The following TRRAP variants were observed in gnomAD, a reference collection of about 807,000 sequenced individuals.
TRRAP encodes the protein transformation/transcription domain associated protein, also known as transformation/transcription domain-associated protein.
Under a neutral mutation model 438.8 loss-of-function variants are expected in TRRAP, and 41 were observed. The observed-to-expected ratio is 0.09, with a 90% CI of 0.07 to 0.12. The LOEUF is 0.12. Among genes scored for constraint, TRRAP ranks in the 10% least tolerant of loss-of-function variants. TRRAP has a pLI of 1.00. For missense variants in TRRAP, 3,122 were observed against 5,055.1 expected, an observed-to-expected ratio of 0.62 and a Z score of 11.60; for synonymous variants, 1,994 against 1,962.9, an observed-to-expected ratio of 1.02 and a Z score of -0.42.
intron 30 of TRRAP, among the ~76,000 whole-genome samples, chr7:98,938,166 T>C (rs906945910): frequency 2.0e-5 from 3 of 151,946 alleles, no homozygotes; most frequent in Non-Finnish European, 4.4e-5. Flanking sequence ...CGAGTGAAAC[T>C]CCATCTCAAA....
intron 39 of TRRAP, among the ~76,000 whole-genome samples, chr7:98,951,434 T>G (rs868955554): frequency 3.3e-5 from 5 of 152,300 alleles, no homozygotes; most frequent in South Asian, 4.1e-4. Context: ...CCTTTTCCAG[T>G]GAATGAAACC....
intron 67 of TRRAP, among the ~76,000 whole-genome samples, chr7:99,001,360 T>C (rs1331357349): frequency 2.0e-5 from 3 of 152,364 alleles, no homozygotes; most frequent in Middle Eastern, 6.8e-3. Context: ...GTGTGTGTGA[T>C]GTGTGGTCTT....
intron 20 of TRRAP, among the ~76,000 whole-genome samples, chr7:98,918,300 G>A (rs1172521410): frequency 8.2e-5 from 12 of 145,948 alleles, no homozygotes; most frequent in Admixed American, 6.2e-4. Context: ...GCGCGATCTC[G>A]GCTCACTGCA....
At chr7:98,942,874 A>G in intron 30 of TRRAP, 75 bp from the exon 31 acceptor site, 2 of 1,513,194 alleles carry the variant, frequency 1.3e-6, no homozygotes, top group Non-Finnish European at 1.8e-6. Context: ...ATGGAAATGA[A>G]TGATTACATA....
intron 30 of TRRAP, among the ~76,000 whole-genome samples, chr7:98,941,996 C>T (rs1006117331): frequency 5.9e-5 from 9 of 152,130 alleles, no homozygotes; most frequent in Non-Finnish European, 1.2e-4. Context: ...TGTAGGACTT[C>T]GGTGTTGTGA....
chr7:98,963,061 A>T (rs1175272943), intron 47 of TRRAP, among the ~76,000 whole-genome samples: 2 of 152,220 alleles, frequency 1.3e-5, no homozygotes, highest in African/African-American at 4.8e-5. Context: ...ACTAAGTAGA[A>T]GTCACCTGTC....
chr7:98,915,695 A>G, intron 18 of TRRAP, 28 bp from the exon 19 acceptor site: 2 of 1,608,900 alleles, frequency 1.2e-6, no homozygotes, highest in Admixed American at 1.7e-5. Flanking sequence ...TTTAGATGCC[A>G]CTAATCTGCG....
chr7:98,969,208 G>A (rs1307802763), intron 51 of TRRAP, among the ~76,000 whole-genome samples: 3 of 152,210 alleles, frequency 2.0e-5, no homozygotes, highest in Non-Finnish European at 4.4e-5. Flanking sequence ...TCCATTGTGC[G>A]TGGCATAAAA....
At chr7:98,961,517 G>A (rs375367995) in intron 46 of TRRAP, 43 bp downstream of exon 46, 57 of 1,602,944 alleles carry the variant, frequency 3.6e-5, no homozygotes, top group Middle Eastern at 1.9e-4. Flanking sequence ...CAAAGTGGAC[G>A]GTGGGCGCGG....
At chr7:98,999,044 G>T in intron 67 of TRRAP, 1 of 864,272 alleles carries the variant, frequency 1.2e-6, no homozygotes, top group Non-Finnish European at 1.8e-6. Flanking sequence ...AAGGTGGATG[G>T]GAGGAGAAGG....
intron 40 of TRRAP, among the ~76,000 whole-genome samples, chr7:98,954,769 G>A (rs782076650): frequency 1.2e-4 from 19 of 152,212 alleles, no homozygotes; most frequent in Non-Finnish European, 2.2e-4. Context: ...CCATCCTGCA[G>A]TCGGAGGGAG....
intron 14 of TRRAP, among the ~76,000 whole-genome samples, chr7:98,909,618 C>G (rs530738045): frequency 6.6e-6 from 1 of 152,180 alleles, no homozygotes; most frequent in South Asian, 2.1e-4. Flanking sequence ...GGGGAGACAC[C>G]CAGAGTGTGA....
intron 2 of TRRAP, 61 bp from the exon 3 acceptor site, chr7:98,881,914 G>T: frequency 1.3e-6 from 2 of 1,554,110 alleles, no homozygotes; most frequent in Non-Finnish European, 8.8e-7. Flanking sequence ...TCCAAGTTTT[G>T]CATTAACATA....
At position 98,895,837 on chromosome 7, in the gene TRRAP, G is replaced by A. The variant is rs1796174191; in HGVS notation, c.507+17G>A. On this transcript the variant is annotated intron_variant, in intron 7 of 72. Transcript: ENST00000456197. ...AAAGTAGTGGTATGTTTTTACTTTG[G>A]TTTTAATTAGTTACATTTGTTTATA... 6.3e-7 allele frequency: 1 copy of A among 1,579,826 alleles called. No homozygotes were observed.
rs192747553 is a variant in TRRAP, at chr7:98,993,351, G to A, written c.9848-187G>A. Among the ~76,000 whole-genome samples, 6 of 152,316 alleles carry A rather than the reference G, an allele frequency of 3.9e-5. No homozygotes were observed. The East Asian group carries it at 1.2e-3, about 29-fold the overall frequency. On this transcript the variant is annotated intron_variant, in intron 65 of 72. Coordinates refer to ENST00000456197, the MANE Select transcript of TRRAP (RefSeq NM_001375524.1). The stretch of plus-strand genomic sequence containing the variant: ...GTAGACAACTGCGCTGTCCCTCCCC[G>A]CGTCCCTCAGCGCACCTGCGCCTAG...
Position 98,994,616 on chromosome 7 carries a change from G to T in TRRAP, c.10077G>T (p.Ala3359=), listed in dbSNP as rs186300971. Reference sequence around the variant, plus strand: ...TCAGGCAGCTCCAACAGGGCCTGGCGAAATGTTACTCCGTGGCGTTTGAGA... The same window carrying T: ...TCAGGCAGCTCCAACAGGGCCTGGCTAAATGTTACTCCGTGGCGTTTGAGA... ...EVLRQLQQGL[A]KCYSVAFEKS... is the part of the protein sequence containing the mutation. The change falls in exon 67 of 73, where the codon GCG becomes GCT. Residue 3359 remains alanine (A), a synonymous_variant. Transcript: ENST00000456197. This position sits in a 1 kb window ranked among gnomAD's most constrained non-coding sequence, Gnocchi z 4.8. The T allele has an allele frequency of 1.9e-6, 3 of 1,614,054 alleles. No individual in the cohort carries two copies. Among genetic ancestry groups the T allele is most frequent in the Non-Finnish European group, 2.5e-6 (3 of 1,180,048 alleles).
Position 99,011,672 on chromosome 7 carries a change from G to A in TRRAP, c.11337+137G>A. 9.7e-7 allele frequency: 1 copy of A among 1,032,112 alleles called. No individual in the cohort carries two copies. Among genetic ancestry groups the A allele is most frequent in the Non-Finnish European group, 1.4e-6 (1 of 726,170 alleles). The allele number at this position is 1,032,112 out of a possible 1,614,324, so 63.9% of individuals were successfully genotyped here. A position where few individuals can be genotyped will look rare whatever the true frequency, so the allele number is the denominator to read the frequency against. ...AGTGGCCAGCACCCCTGTGTGTTAT[G>A]TCCTTTGCTGTGAGGGCAAGGGATG... On this transcript the variant is annotated intron_variant, in intron 72 of 72. Transcript: ENST00000456197. This position sits in a 1 kb window ranked among gnomAD's most constrained non-coding sequence, Gnocchi z 7.1.
chr7:98,899,899 C>T (rs1796396313), intron 10 of TRRAP, 132 bp downstream of exon 10: 1 of 885,742 alleles, frequency 1.1e-6, no homozygotes, highest in Non-Finnish European at 1.7e-6. Flanking sequence ...TGTTGACTTT[C>T]TGCACCTGTG....
Position 99,005,332 on chromosome 7 carries a change from G to A in TRRAP, c.10737G>A (p.Arg3579=). The A allele has an allele frequency of 5.0e-6, 8 of 1,614,026 alleles. No individual in the cohort carries two copies. The highest frequency in any genetic ancestry group is 6.8e-6 in the Non-Finnish European group (8 of 1,180,036). The stretch of plus-strand genomic sequence containing the variant: ...AGAAGAGAAAGGAGACCACCAAGAG[G>A]CACTTGTTTTTCACAGGTAGGGTTG... ...CLEKRKETTK[R]HLFFTVPRVV... is the part of the protein sequence containing the mutation. Residue 3579 remains arginine, a synonymous_variant, in exon 69 of 73, where the codon AGG becomes AGA. Transcript: ENST00000456197. The surrounding 1 kb of genome is among the most constrained non-coding windows in gnomAD (Gnocchi z 5.1).
Sources: gnomAD v4.1 joint callset for allele counts (sites outside exome capture counted in the v4.1 genomes callset) on GRCh38, gnomAD v4.1.1 for gene constraint, Gnocchi (gnomAD v3.1) non-coding constraint, MANE v1.5 for transcripts, NCBI Gene and HGNC (gene_info 2026-07-23, HGNC 2026-07-21) for gene names.